AXIN1: variants seen among roughly 807,000 people sequenced by gnomAD.
AXIN1 encodes axin 1.
In AXIN1, 30 loss-of-function variants were observed where a neutral mutation model predicts 76.4. The ratio of observed to expected loss-of-function variants is 0.39; its 90% CI spans 0.29 to 0.53. AXIN1 has a LOEUF of 0.53. Ranked by LOEUF, AXIN1 falls within the 20% of genes least tolerant of loss-of-function variation. The pLI, the probability that AXIN1 is intolerant of heterozygous loss-of-function variation, is 0.66. For synonymous variants in AXIN1, 545 were observed against 501.4 expected, an observed-to-expected ratio of 1.09 and a Z score of -1.16; for missense variants, 1,140 against 1,198.8, an observed-to-expected ratio of 0.95 and a Z score of 0.72.
In AXIN1 at chr16:297,969, G is replaced by C; in HGVS notation, c.1537C>G (p.His513Asp). 1.2e-6 allele frequency: 2 copies of C among 1,601,754 alleles called. No individual in the cohort carries two copies. The highest frequency in any genetic ancestry group is 1.7e-6 in the Non-Finnish European group (2 of 1,177,204). Reference protein sequence around the residue: ...PVALGGAASGHGKHVPKSGAK... With the variant: ...PVALGGAASGDGKHVPKSGAK... ...CCTGACTTGGGTACGTGCTTCCCGT[G>C]CCCCGAGGCGGCACCCCCCAGTGCC... is the stretch of plus-strand genomic sequence containing the variant. Residue 513 changes from histidine to aspartate, a missense_variant, in exon 6 of 11, where the codon CAC becomes GAC. His to Asp is a moderately conservative substitution (Grantham distance 81, BLOSUM62 -1). Transcript: ENST00000262320.
intron 2 of AXIN1, among the ~76,000 whole-genome samples, chr16:328,166 T>C (rs2141647722): frequency 6.6e-6 from 1 of 152,238 alleles, no homozygotes; most frequent in African/African-American, 2.4e-5. Context: ...CTGAGGTAGA[T>C]GGATCACTTG....
intron 10 of AXIN1, among the ~76,000 whole-genome samples, chr16:288,710 C>T (rs556636701): frequency 1.6e-4 from 25 of 152,382 alleles, no homozygotes; most frequent in African/African-American, 4.8e-4. Context: ...CCCCTCTGCT[C>T]ACCGCCCAGT....
intron 2 of AXIN1, among the ~76,000 whole-genome samples, chr16:321,941 AG>A (rs1481664238): frequency 6.6e-6 from 1 of 152,264 alleles, no homozygotes; most frequent in Non-Finnish European, 1.5e-5. Context: ...GTTAGAGACC[AG>A]CTGTATTCTG....
intron 5 of AXIN1, among the ~76,000 whole-genome samples, chr16:301,577 G>C (rs2052874402): frequency 6.6e-6 from 1 of 152,186 alleles, no homozygotes; most frequent in South Asian, 2.1e-4. Flanking sequence ...GATCACTTGA[G>C]GCCAGGAGTT....
rs533245129 is a variant in AXIN1, at chr16:346,238, G to T, written c.788C>A (p.Pro263His). 1.9e-6 allele frequency: 3 copies of T among 1,614,144 alleles called. No homozygotes were observed. The South Asian group carries it at 3.3e-5, about 18-fold the overall frequency. Residue 263 changes from proline (P) to histidine (H), a missense_variant, in exon 2 of 11, where the codon CCC becomes CAC. This residue lies in a region of AXIN1 where 708 missense variants were observed against 776.9 expected (regional missense o/e 0.91). Transcript: ENST00000262320. ...MDEDDGRDAA[P>H]PGRLPQKLLL... ...CAGCTTCTGAGGGAGTCTTCCGGGG[G>T]GAGCAGCGTCTCTGCCATCGTCCTC... is the stretch of plus-strand genomic sequence containing the variant.
chr16:314,396 C>T, intron 3 of AXIN1, 147 bp downstream of exon 3: 1 of 1,268,022 alleles, frequency 7.9e-7, no homozygotes, highest in South Asian at 1.3e-5. Context: ...CGCTCTGCAG[C>T]AGGGTGGGAC....
At chr16:341,106 A>C (rs901281311) in intron 2 of AXIN1, among the ~76,000 whole-genome samples, 2 of 152,278 alleles carry the variant, frequency 1.3e-5, no homozygotes, top group Non-Finnish European at 2.9e-5. Flanking sequence ...GCGTGCTGGC[A>C]GTCCTCACAG....
chr16:320,705 A>G (rs1251231089), intron 2 of AXIN1, among the ~76,000 whole-genome samples: 1 of 147,532 alleles, frequency 6.8e-6, no homozygotes, highest in Non-Finnish European at 1.5e-5. Context: ...ATATATGCAT[A>G]CGTATATGCG....
chr16:304,494 A>G (rs2052965186), intron 4 of AXIN1, 53 bp from the exon 5 acceptor site: 2 of 1,610,100 alleles, frequency 1.2e-6, no homozygotes, highest in East Asian at 2.2e-5. Flanking sequence ...CAGGCTAAAC[A>G]TTTCTTTGTG....
intron 5 of AXIN1, among the ~76,000 whole-genome samples, chr16:298,837 C>T (rs148372786): frequency 4.1e-4 from 63 of 152,112 alleles, no homozygotes; most frequent in African/African-American, 1.5e-3. Flanking sequence ...GGTGCCATCT[C>T]GGCTCCCTGC....
At chr16:345,073 C>G (rs766250224) in intron 2 of AXIN1, among the ~76,000 whole-genome samples, 1 of 151,808 alleles carries the variant, frequency 6.6e-6, no homozygotes, top group Non-Finnish European at 1.5e-5. Flanking sequence ...GCGCTCTGCT[C>G]ACAAGCACAG....
chr16:291,376 C>T (rs1409829245), intron 8 of AXIN1, 79 bp from the exon 9 acceptor site: 12 of 1,240,848 alleles, frequency 9.7e-6, no homozygotes, highest in African/African-American at 3.0e-5. Flanking sequence ...AATGCTGCTG[C>T]GCAGGGACGG....
chr16:351,083 G>C (rs765822122), intron 1 of AXIN1, among the ~76,000 whole-genome samples: 1 of 147,760 alleles, frequency 6.8e-6, no homozygotes, highest in African/African-American at 2.5e-5. Context: ...GGTGAGCGGA[G>C]ATCACGCCAT....
chr16:347,946 C>G (rs942483835), intron 1 of AXIN1, among the ~76,000 whole-genome samples: 1 of 152,186 alleles, frequency 6.6e-6, no homozygotes, highest in African/African-American at 2.4e-5. Flanking sequence ...AGAGAAGGTA[C>G]AGAATAAAAG....
intron 2 of AXIN1, among the ~76,000 whole-genome samples, chr16:315,003 G>A (rs140668602): frequency 6.6e-6 from 1 of 152,294 alleles, no homozygotes; most frequent in East Asian, 1.9e-4. Flanking sequence ...GAAATGGGAC[G>A]CAGATGTTCT....
intron 2 of AXIN1, among the ~76,000 whole-genome samples, chr16:324,130 G>T (rs1414350098): frequency 6.7e-6 from 1 of 149,868 alleles, no homozygotes; most frequent in African/African-American, 2.5e-5. Flanking sequence ...GGGACCGTCC[G>T]CACTGACCAG....
intron 5 of AXIN1, among the ~76,000 whole-genome samples, chr16:298,878 C>T (rs1030440004): frequency 5.3e-5 from 8 of 152,170 alleles, no homozygotes; most frequent in African/African-American, 1.9e-4. Flanking sequence ...AAGTGATTCT[C>T]CTCCTTCAGC....
intron 2 of AXIN1, among the ~76,000 whole-genome samples, chr16:320,973 T>C (rs139322963): frequency 0.072 from 10,940 of 151,902 alleles, 1,321 homozygotes; most frequent in African/African-American, 0.25. Context: ...CGCCTGACCT[T>C]GTGATCTGCC....
chr16:311,331 G>A (rs542954981), intron 3 of AXIN1, among the ~76,000 whole-genome samples: 91 of 151,864 alleles, frequency 6.0e-4, no homozygotes, highest in Middle Eastern at 3.4e-3. Flanking sequence ...CGCCCAGCCC[G>A]CAACAGGTTT....
Sources: gnomAD v4.1 joint callset for allele counts (sites outside exome capture counted in the v4.1 genomes callset) on GRCh38, gnomAD v4.1.1 for gene constraint, gnomAD v4.1.1 regional missense constraint, MANE v1.5 for transcripts, NCBI Gene and HGNC (gene_info 2026-07-23, HGNC 2026-07-21) for gene names.